Variants in RBFOX1 observed in about 807,000 individuals in gnomAD.
RBFOX1 encodes the protein RNA binding fox-1 homolog 1, also known as RNA binding protein fox-1 homolog 1.
In RBFOX1, 8 loss-of-function variants were observed where a neutral mutation model predicts 57.7. The ratio of observed to expected loss-of-function variants is 0.14; its 90% CI spans 0.08 to 0.25. The LOEUF (loss-of-function observed/expected upper bound fraction) is 0.25, where lower values mean the gene tolerates loss of function less well. RBFOX1 is among the 10% of genes least tolerant of loss of function. The pLI is 1.00. For synonymous variants in RBFOX1, 326 were observed against 222.4 expected, an observed-to-expected ratio of 1.47 and a Z score of -4.15; for missense variants, 611 against 548.5, an observed-to-expected ratio of 1.11 and a Z score of -1.14.
At chr16:7,180,081 G>T (rs1396511059) in intron 4 of RBFOX1, among the ~76,000 whole-genome samples, 2 of 152,024 alleles carry the variant, frequency 1.3e-5, no homozygotes, top group Non-Finnish European at 2.9e-5. Context: ...TTTTCTCAGA[G>T]AAAATATTTC....
Position 7,090,243 on chromosome 16 carries a change from C to G in RBFOX1, c.27+38145C>G, listed in dbSNP as rs187315515. 3.0e-3 allele frequency among the ~76,000 whole-genome samples: 459 copies of G among 152,236 alleles called. 4 individuals carry two copies. Among genetic ancestry groups the G allele is most frequent in the Non-Finnish European group, 4.4e-3 (302 of 68,022 alleles). ...CAAGGAGAGACAATAAAATAGAATC[C>G]ATATTCAGTTTACTCCTGTCATTGT... On this transcript the variant is annotated intron_variant, in intron 4 of 15. Transcript: ENST00000550418.
intron 4 of RBFOX1, among the ~76,000 whole-genome samples, chr16:7,113,748 T>C (rs575409649): frequency 1.3e-5 from 2 of 152,294 alleles, no homozygotes; most frequent in Admixed American, 1.3e-4. Context: ...ATGTTATAGA[T>C]GTGTTCTCTT....
chr16:6,337,734 T>TA (rs201098282), intron 2 of RBFOX1, among the ~76,000 whole-genome samples: 7 of 151,718 alleles, frequency 4.6e-5, no homozygotes, highest in Non-Finnish European at 7.4e-5. Flanking sequence ...ACCATCTCTG[T>TA]AAAAAAAATA....
chr16:6,501,645 A>G (rs1598361309), intron 2 of RBFOX1, among the ~76,000 whole-genome samples: 1 of 152,202 alleles, frequency 6.6e-6, no homozygotes. Context: ...TTAGAATCCA[A>G]ACATTCTTAT....
At chr16:5,379,238 G>T (rs771005426) in intron 1 of RBFOX1, among the ~76,000 whole-genome samples, 2 of 151,500 alleles carry the variant, frequency 1.3e-5, no homozygotes, top group African/African-American at 4.9e-5. Context: ...AAAAGTTCAG[G>T]TGAATTTCAT....
At chr16:7,683,035 A>ATATAT in intron 14 of RBFOX1, among the ~76,000 whole-genome samples, 1 of 872 alleles carries the variant, frequency 1.1e-3, no homozygotes, top group African/African-American at 1.4e-3. Context: ...TATATATATA[A>ATATAT]AACAGTGCTC....
intron 3 of RBFOX1, among the ~76,000 whole-genome samples, chr16:6,843,080 G>A (rs1053098995): frequency 3.9e-5 from 6 of 152,010 alleles, no homozygotes; most frequent in Non-Finnish European, 5.9e-5. Flanking sequence ...CATTTGGGTT[G>A]GTTCCAAGAT....
intron 3 of RBFOX1, among the ~76,000 whole-genome samples, chr16:7,048,489 G>C (rs935783003): frequency 4.6e-5 from 7 of 151,406 alleles, no homozygotes; most frequent in African/African-American, 1.5e-4. Flanking sequence ...TCGATCTCCT[G>C]ACCTCATGAT....
At chr16:7,677,206 T>A (rs930600567) in intron 14 of RBFOX1, among the ~76,000 whole-genome samples, 1 of 148,526 alleles carries the variant, frequency 6.7e-6, no homozygotes, top group Non-Finnish European at 1.5e-5. Context: ...CGGTTTCATC[T>A]AACTCATAGG....
At chr16:5,930,847 C>G (rs1051606165) in intron 4 of RBFOX1, among the ~76,000 whole-genome samples, 2 of 106,610 alleles carry the variant, frequency 1.9e-5, no homozygotes, top group African/African-American at 7.6e-5. Context: ...GATGGATTCA[C>G]CGATGGATGC....
chr16:5,653,587 C>T (rs1455450369), intron 3 of RBFOX1, among the ~76,000 whole-genome samples: 1 of 152,140 alleles, frequency 6.6e-6, no homozygotes, highest in Non-Finnish European at 1.5e-5. Context: ...ATTGCCTCTC[C>T]CTGACCTCCT....
intron 3 of RBFOX1, among the ~76,000 whole-genome samples, chr16:7,017,511 GAGT>G (rs1296248218): frequency 6.6e-6 from 1 of 152,186 alleles, no homozygotes; most frequent in Non-Finnish European, 1.5e-5. Flanking sequence ...GCTAACTCAG[GAGT>G]CTGCGTTTGG....
At chr16:5,365,530 A>C (rs920380152) in intron 1 of RBFOX1, among the ~76,000 whole-genome samples, 1 of 152,098 alleles carries the variant, frequency 6.6e-6, no homozygotes, top group Non-Finnish European at 1.5e-5. Flanking sequence ...TTAGCTGGGC[A>C]TGGTGGCATG....
At chr16:5,413,749 A>G (rs989439485) in intron 1 of RBFOX1, among the ~76,000 whole-genome samples, 1 of 152,188 alleles carries the variant, frequency 6.6e-6, no homozygotes, top group Non-Finnish European at 1.5e-5. Context: ...GGGACAGGAA[A>G]AGTAGTAGGT....
intron 3 of RBFOX1, among the ~76,000 whole-genome samples, chr16:7,041,361 G>C (rs552670649): frequency 6.6e-6 from 1 of 152,058 alleles, no homozygotes. Context: ...GGCTCTCAAA[G>C]GGCAATGCAT....
rs140692126 is a variant in RBFOX1 at position 7,424,475 on chromosome 16, G to T, written c.28-93672G>T. On this transcript the variant is annotated intron_variant, in intron 4 of 15. Coordinates refer to ENST00000550418, the MANE Select transcript of RBFOX1 (RefSeq NM_018723.4). Reference sequence around the variant, plus strand: ...GGGTTGCGCCACGTTGGCCAGGCAGGTCTTGAACTCCTGGCCTCATGTGAT... The same window carrying T: ...GGGTTGCGCCACGTTGGCCAGGCAGTTCTTGAACTCCTGGCCTCATGTGAT... 7.5e-3 allele frequency among the ~76,000 whole-genome samples: 1,148 copies of T among 152,232 alleles called. 18 individuals carry two copies. The highest frequency in any genetic ancestry group is 0.026 in the African/African-American group (1,087 of 41,528).
At chr16:5,470,699 C>T (rs952786984) in intron 2 of RBFOX1, among the ~76,000 whole-genome samples, 2 of 152,108 alleles carry the variant, frequency 1.3e-5, no homozygotes, top group African/African-American at 4.8e-5. Flanking sequence ...CTGAGGTAAC[C>T]TGCCCACAGT....
At chr16:5,523,277 C>G (rs545204248) in intron 2 of RBFOX1, among the ~76,000 whole-genome samples, 95 of 151,766 alleles carry the variant, frequency 6.3e-4, no homozygotes, top group Admixed American at 6.6e-4. Context: ...TAGAGCAAGA[C>G]TCTGTTTCAA....
intron 1 of RBFOX1, among the ~76,000 whole-genome samples, chr16:6,237,828 A>C (rs568969051): frequency 1.3e-5 from 2 of 152,032 alleles, no homozygotes; most frequent in Non-Finnish European, 2.9e-5. Flanking sequence ...ATGCGTTGGC[A>C]CACACCTGTA....
Sources: gnomAD v4.1 joint callset for allele counts (sites outside exome capture counted in the v4.1 genomes callset) on GRCh38, gnomAD v4.1.1 for gene constraint, MANE v1.5 for transcripts, NCBI Gene and HGNC (gene_info 2026-07-23, HGNC 2026-07-21) for gene names.